The following LHFPL3 variants were observed in gnomAD, a reference collection of about 807,000 sequenced individuals.
The protein encoded by LHFPL3 is LHFPL tetraspan subfamily member 3.
Under a neutral mutation model 19.3 loss-of-function variants are expected in LHFPL3, and 5 were observed. The ratio of observed to expected loss-of-function variants is 0.26; its 90% CI spans 0.14 to 0.54. The LOEUF is 0.54. Among genes scored for constraint, LHFPL3 ranks in the 20% least tolerant of loss-of-function variants. The pLI is 0.94. For synonymous variants in LHFPL3, 133 were observed against 126.2 expected (o/e 1.05, Z -0.36); for missense variants, 249 against 307.4 (o/e 0.81, Z 1.42).
chr7:104,525,537 C>T (rs1794169782), intron 1 of LHFPL3, among the ~76,000 whole-genome samples: 1 of 151,764 alleles, frequency 6.6e-6, no homozygotes, highest in African/African-American at 2.4e-5. Context: ...AATTAGGCCT[C>T]AGGGACTAGT....
chr7:104,652,019 G>A (rs1792042564), intron 1 of LHFPL3, among the ~76,000 whole-genome samples: 2 of 152,218 alleles, frequency 1.3e-5, no homozygotes, highest in African/African-American at 4.8e-5. Flanking sequence ...GTGATAAGAT[G>A]GAGACCAGGA....
intron 1 of LHFPL3, among the ~76,000 whole-genome samples, chr7:104,403,456 C>T (rs1451487153): frequency 1.3e-5 from 2 of 152,172 alleles, no homozygotes; most frequent in Admixed American, 6.5e-5. Context: ...CCACTGTGTA[C>T]ATAGTAGGCA....
chr7:104,833,065 T>TAGAG lies in LHFPL3; in HGVS notation c.683-73121_683-73120insGAGA, dbSNP rs371475727. 7.0e-5 allele frequency among the ~76,000 whole-genome samples: 6 copies of TAGAG among 85,480 alleles called. 1 individual carries two copies. The highest frequency in any genetic ancestry group is 1.3e-4 in the Non-Finnish European group (6 of 46,790). The allele number at this position is 85,480 out of a possible 152,430, so 56.1% of individuals were successfully genotyped here. On this transcript the variant is annotated intron_variant, in intron 2 of 2. Transcript: ENST00000424859. ...TATATTATATATATATTATATATAA[T>TAGAG]ATATATATTATATATATCTAATATA...
At chr7:104,879,427 A>T (rs997804489) in intron 2 of LHFPL3, among the ~76,000 whole-genome samples, 63 of 152,132 alleles carry the variant, frequency 4.1e-4, no homozygotes, top group African/African-American at 1.4e-3. Flanking sequence ...AAAAAAAAAA[A>T]TTTTAAGGTG....
intron 2 of LHFPL3, among the ~76,000 whole-genome samples, chr7:104,846,348 G>A (rs2116603723): frequency 6.6e-6 from 1 of 152,336 alleles, no homozygotes; most frequent in African/African-American, 2.4e-5. Flanking sequence ...TTTCTGTTGT[G>A]TGTTGAATGT....
At chr7:104,714,181 C>A (rs1793345173) in intron 1 of LHFPL3, among the ~76,000 whole-genome samples, 1 of 152,154 alleles carries the variant, frequency 6.6e-6, no homozygotes, top group Non-Finnish European at 1.5e-5. Context: ...TTCTTTCACC[C>A]TCCCTTGACC....
intron 2 of LHFPL3, among the ~76,000 whole-genome samples, chr7:104,863,182 C>T (rs1372185791): frequency 6.6e-6 from 1 of 152,058 alleles, no homozygotes; most frequent in Non-Finnish European, 1.5e-5. Flanking sequence ...TTGTTGTTTT[C>T]CTTGATCTCC....
At chr7:104,857,323 G>A (rs186894651) in intron 2 of LHFPL3, among the ~76,000 whole-genome samples, 2 of 152,230 alleles carry the variant, frequency 1.3e-5, no homozygotes, top group East Asian at 3.9e-4. Context: ...GCCACCAAAT[G>A]CAAATATAAT....
intron 1 of LHFPL3, among the ~76,000 whole-genome samples, chr7:104,701,428 A>G (rs543006969): frequency 6.6e-6 from 1 of 152,372 alleles, no homozygotes; most frequent in East Asian, 1.9e-4. Context: ...TGCTATATGT[A>G]TTACATACTA....
At chr7:104,881,269 C>T (rs1792052245) in intron 2 of LHFPL3, among the ~76,000 whole-genome samples, 1 of 151,808 alleles carries the variant, frequency 6.6e-6, no homozygotes, top group Non-Finnish European at 1.5e-5. Flanking sequence ...TGAAAACCTT[C>T]TGGAAAGTAT....
intron 1 of LHFPL3, among the ~76,000 whole-genome samples, chr7:104,393,066 G>T (rs1791110193): frequency 6.6e-6 from 1 of 152,178 alleles, no homozygotes; most frequent in South Asian, 2.1e-4. Flanking sequence ...CATATGGCAA[G>T]ATGGTCAGCA....
At chr7:104,469,992 C>CT (rs1303056552) in intron 1 of LHFPL3, 1 of 455,862 alleles carries the variant, frequency 2.2e-6, no homozygotes. Flanking sequence ...ATGCCACACT[C>CT]TGAGAATGTC....
intron 1 of LHFPL3, among the ~76,000 whole-genome samples, chr7:104,723,313 C>T (rs1793521992): frequency 6.6e-6 from 1 of 152,184 alleles, no homozygotes; most frequent in South Asian, 2.1e-4. Context: ...GTGATATCCT[C>T]ACAAAGAAGC....
chr7:104,825,699 G>A (rs1485971867), intron 2 of LHFPL3, among the ~76,000 whole-genome samples: 1 of 151,924 alleles, frequency 6.6e-6, no homozygotes, highest in Non-Finnish European at 1.5e-5. Context: ...CATCAAGGAT[G>A]TCCCAGTTTC....
intron 1 of LHFPL3, among the ~76,000 whole-genome samples, chr7:104,585,595 T>C (rs567173278): frequency 6.6e-6 from 1 of 151,986 alleles, no homozygotes; most frequent in South Asian, 2.1e-4. Flanking sequence ...GCTATATTGT[T>C]CTACAGTATG....
chr7:104,500,795 A>C (rs1418389291), intron 1 of LHFPL3, among the ~76,000 whole-genome samples: 1 of 152,198 alleles, frequency 6.6e-6, no homozygotes, highest in Non-Finnish European at 1.5e-5. Context: ...TTGTGTTCAG[A>C]TGTGATTGCA....
At chr7:104,826,173 G>C (rs1281868358) in intron 2 of LHFPL3, among the ~76,000 whole-genome samples, 1 of 151,968 alleles carries the variant, frequency 6.6e-6, no homozygotes, top group Non-Finnish European at 1.5e-5. Context: ...CAGCCCGGCA[G>C]CCAGTGTTCC....
intron 1 of LHFPL3, among the ~76,000 whole-genome samples, chr7:104,637,897 A>G (rs1031820579): frequency 1.4e-5 from 2 of 146,110 alleles, no homozygotes; most frequent in African/African-American, 5.1e-5. Context: ...TTCCATATGA[A>G]TTTTAAAATA....
chr7:104,492,884 C>T (rs543219542), intron 1 of LHFPL3, among the ~76,000 whole-genome samples: 3 of 152,268 alleles, frequency 2.0e-5, no homozygotes, highest in African/African-American at 7.2e-5. Context: ...GGCCTTCCAC[C>T]ATCCATTGCC....
Sources: gnomAD v4.1 joint callset for allele counts (sites outside exome capture counted in the v4.1 genomes callset) on GRCh38, gnomAD v4.1.1 for gene constraint, MANE v1.5 for transcripts, NCBI Gene and HGNC (gene_info 2026-07-23, HGNC 2026-07-21) for gene names.